Variants in TRIM55 observed in about 807,000 individuals in gnomAD.
The protein encoded by TRIM55 is tripartite motif-containing protein 55.
Under a neutral mutation model 60.9 loss-of-function variants are expected in TRIM55, and 50 were observed. The observed-to-expected ratio is 0.82, with a 90% CI of 0.65 to 1.04. TRIM55 has a LOEUF of 1.04. Among genes scored for constraint, TRIM55 ranks in the 50% least tolerant of loss-of-function variants. The probability of loss-of-function intolerance (pLI) is 0.00; values close to 1 mark genes in which losing one functional copy is unlikely to be tolerated. For missense variants in TRIM55, 681 were observed against 666.9 expected, an observed-to-expected ratio of 1.02 and a Z score of -0.23; for synonymous variants, 237 against 238.1, an observed-to-expected ratio of 1.00 and a Z score of 0.04.
rs544133896 is a variant in TRIM55 at position 66,152,439 on chromosome 8, G to C, written c.1048G>C (p.Gly350Arg). The change falls in exon 8 of 10, where the codon GGA (glycine) becomes CGA (arginine). Residue 350 changes from glycine to arginine, a missense_variant. Coordinates refer to ENST00000315962, the MANE Select transcript of TRIM55 (RefSeq NM_184085.2). The part of the protein sequence containing the change: ...EGEKEGEGEV[G>R]GEAVEVEEVE... ...AGAAAAAGAAGGAGAAGGAGAAGTGGGAGGAGAAGCAGTAGAAGTGGAAGA... is the reference window on the plus strand; with the variant it reads ...AGAAAAAGAAGGAGAAGGAGAAGTGCGAGGAGAAGCAGTAGAAGTGGAAGA... 13 of 1,613,274 alleles carry C rather than the reference G, an allele frequency of 8.1e-6. No homozygotes were observed. Among genetic ancestry groups the C allele is most frequent in the Non-Finnish European group, 1.1e-5 (13 of 1,179,318 alleles).
chr8:66,125,988 A>G (rs1036335965), upstream of TRIM55, among the ~76,000 whole-genome samples: 2 of 152,256 alleles, frequency 1.3e-5, no homozygotes, highest in African/African-American at 4.8e-5. Context: ...TAAATACAAT[A>G]TGTATTGGTT....
the TRIM55 span, chr8:66,113,432 G>A: frequency 1.6e-5 from 7 of 447,062 alleles, no homozygotes; most frequent in Non-Finnish European, 2.7e-5. Context: ...ACATCCTTAG[G>A]TCGCTGGTTC....
chr8:66,140,208 C>T (rs1283824321), intron 4 of TRIM55, among the ~76,000 whole-genome samples: 1 of 152,182 alleles, frequency 6.6e-6, no homozygotes, highest in African/African-American at 2.4e-5. Flanking sequence ...GTTAAGCAAC[C>T]CGTGACTGTG....
intron 9 of TRIM55, among the ~76,000 whole-genome samples, chr8:66,169,966 TAA>T (rs1811531420): frequency 6.6e-6 from 1 of 151,938 alleles, no homozygotes; most frequent in Non-Finnish European, 1.5e-5. Flanking sequence ...TTACACATTC[TAA>T]GTGTCTATAG....
chr8:66,134,867 G>A, intron 2 of TRIM55, 123 bp from the exon 3 acceptor site: 1 of 1,047,878 alleles, frequency 9.5e-7, no homozygotes, highest in Non-Finnish European at 1.4e-6. Context: ...GGGTCTTCTG[G>A]AATAGAATTG....
At position 66,166,213 on chromosome 8, in the gene TRIM55, T is replaced by C. The variant is rs1227552617; in HGVS notation, c.1525-8258T>C. Among the ~76,000 whole-genome samples, 5 of 152,208 alleles carry C rather than the reference T, an allele frequency of 3.3e-5. No homozygotes were observed. In the South Asian group the frequency reaches 1.0e-3, roughly 32 times the overall value. Reference sequence around the variant, plus strand: ...CTTTAATAGGAAGCTAAAATGGATGTATCCATTTTAAAGAGGAAAATATAA... The same window carrying C: ...CTTTAATAGGAAGCTAAAATGGATGCATCCATTTTAAAGAGGAAAATATAA... On this transcript the variant is annotated intron_variant, in intron 9 of 9. Transcript: ENST00000315962.
chr8:66,136,642 G>T (rs1189028973), intron 3 of TRIM55, among the ~76,000 whole-genome samples: 1 of 152,188 alleles, frequency 6.6e-6, no homozygotes, highest in Admixed American at 6.5e-5. Context: ...TGTGAAGTTT[G>T]TAATGACTTA....
intron 4 of TRIM55, among the ~76,000 whole-genome samples, chr8:66,148,965 C>T (rs184080075): frequency 6.6e-6 from 1 of 152,210 alleles, no homozygotes; most frequent in East Asian, 1.9e-4. Context: ...AGGAGAATTG[C>T]CTGAACCTGG....
intron 7 of TRIM55, among the ~76,000 whole-genome samples, chr8:66,151,888 AT>A: frequency 6.8e-6 from 1 of 147,574 alleles, no homozygotes; most frequent in South Asian, 2.1e-4. Context: ...AAATAAATAA[AT>A]AAATAAAAGA....
At chr8:66,117,696 TAA>T in the TRIM55 span, among the ~76,000 whole-genome samples, 8 of 148,024 alleles carry the variant, frequency 5.4e-5, no homozygotes, top group Non-Finnish European at 1.5e-5. Context: ...AGAAATCAGT[TAA>T]GAGGGTCGGG....
Position 66,135,076 on chromosome 8 carries a change from C to T in TRIM55, c.428C>T (p.Thr143Ile), listed in dbSNP as rs1431179182. The T allele has an allele frequency of 4.3e-6, 7 of 1,614,122 alleles. No homozygotes were observed. Among genetic ancestry groups the T allele is most frequent in the Non-Finnish European group, 4.2e-6 (5 of 1,180,052 alleles). ...NIYCLNCEVP[T>I]CSLCKVFGAH... ...TACTGTCTGAACTGCGAAGTACCCA[C>T]CTGCTCTCTGTGCAAGGTGTTTGGT... Residue 143 changes from threonine (T) to isoleucine (I), a missense_variant, in exon 3 of 10, where the codon ACC (threonine) becomes ATC (isoleucine). By Grantham distance (89) the Thr-to-Ile change is moderately conservative. Coordinates refer to ENST00000315962, the MANE Select transcript of TRIM55 (RefSeq NM_184085.2).
the TRIM55 span, among the ~76,000 whole-genome samples, chr8:66,116,194 A>G: frequency 0.034 from 5,134 of 152,324 alleles, 130 homozygotes; most frequent in Middle Eastern, 0.075. Flanking sequence ...CGAAATATAT[A>G]TAGCTCTCAA....
intron 4 of TRIM55, among the ~76,000 whole-genome samples, chr8:66,143,427 TAG>T (rs1809933358): frequency 6.6e-6 from 1 of 152,224 alleles, no homozygotes; most frequent in Non-Finnish European, 1.5e-5. Context: ...TACCTGAAAT[TAG>T]AGAGTCTTGG....
chr8:66,165,624 G>A (rs1297536883), intron 9 of TRIM55, among the ~76,000 whole-genome samples: 1 of 152,194 alleles, frequency 6.6e-6, no homozygotes, highest in Non-Finnish European at 1.5e-5. Flanking sequence ...CAATTGCTAT[G>A]TGTTTTACAA....
the TRIM55 span, among the ~76,000 whole-genome samples, chr8:66,115,908 G>A: frequency 6.6e-6 from 1 of 152,212 alleles, no homozygotes; most frequent in Non-Finnish European, 1.5e-5. Context: ...TAGCTGTTAT[G>A]AGTGTGCAAG....
At position 66,152,511 on chromosome 8, in the gene TRIM55, GA is replaced by G. The variant is rs757428753; in HGVS notation, c.1125del (p.Ala376LeufsTer35). ...GTTTCCAGGAGAAGATGAAAACCCAGAAAAAGCTTCAGAGCTCTCTCAGGTG... is the reference window on the plus strand; with the variant it reads ...GTTTCCAGGAGAAGATGAAAACCCAGAAAAGCTTCAGAGCTCTCTCAGGTG... ...TEFPGEDENP[E>X]KASELSQVEL... On this transcript the variant is annotated frameshift_variant, in exon 8 of 10. Coordinates refer to ENST00000315962, the MANE Select transcript of TRIM55 (RefSeq NM_184085.2). LOFTEE classifies it high-confidence loss of function. 4.0e-5 allele frequency: 64 copies of G among 1,614,074 alleles called. No individual in the cohort carries two copies. The African/African-American group carries it at 7.9e-4, about 20-fold the overall frequency.
At chr8:66,156,634 C>G (rs1362698311) in intron 9 of TRIM55, among the ~76,000 whole-genome samples, 1 of 152,120 alleles carries the variant, frequency 6.6e-6, no homozygotes, top group East Asian at 1.9e-4. Context: ...TCCTGTAGCT[C>G]AAAGGCAGTT....
At chr8:66,158,641 G>C (rs1293968856) in intron 9 of TRIM55, among the ~76,000 whole-genome samples, 2 of 152,136 alleles carry the variant, frequency 1.3e-5, no homozygotes, top group Non-Finnish European at 2.9e-5. Context: ...TTTATAATTG[G>C]TTTCAGGTAT....
At chr8:66,116,476 G>A in the TRIM55 span, among the ~76,000 whole-genome samples, 6 of 151,722 alleles carry the variant, frequency 4.0e-5, no homozygotes, top group East Asian at 1.9e-4. Context: ...GTGCGGTGGC[G>A]TGTACCTGTG....
Sources: gnomAD v4.1 joint callset for allele counts (sites outside exome capture counted in the v4.1 genomes callset) on GRCh38, gnomAD v4.1.1 for gene constraint, MANE v1.5 for transcripts, NCBI Gene and HGNC (gene_info 2026-07-23, HGNC 2026-07-21) for gene names.